Variants in RBFOX1 observed in about 807,000 individuals in gnomAD.
The protein encoded by RBFOX1 is RNA binding fox-1 homolog 1.
A neutral mutation model predicts 57.7 loss-of-function variants in RBFOX1; 8 were observed. The observed-to-expected ratio is 0.14, with a 90% CI of 0.08 to 0.25. RBFOX1 has a LOEUF of 0.25. Among genes scored for constraint, RBFOX1 ranks in the 10% least tolerant of loss-of-function variants. The pLI, the probability that RBFOX1 is intolerant of heterozygous loss-of-function variation, is 1.00. For synonymous variants in RBFOX1, 326 were observed against 222.4 expected (o/e 1.47, Z -4.15); for missense variants, 611 against 548.5 (o/e 1.11, Z -1.14).
At chr16:6,517,111 G>C (rs556274981) in intron 2 of RBFOX1, among the ~76,000 whole-genome samples, 1 of 152,276 alleles carries the variant, frequency 6.6e-6, no homozygotes, top group East Asian at 1.9e-4. Flanking sequence ...TGACTGGCTT[G>C]TTGTGGGCCA....
intron 3 of RBFOX1, among the ~76,000 whole-genome samples, chr16:6,756,337 G>T (rs2075783081): frequency 6.6e-6 from 1 of 152,130 alleles, no homozygotes; most frequent in Non-Finnish European, 1.5e-5. Context: ...ATGCATTAAA[G>T]ATTGAAACCC....
Position 7,607,358 on chromosome 16 carries a change from A to G in RBFOX1, c.676+20A>G. On this transcript the variant is annotated intron_variant, in intron 10 of 15. Transcript: ENST00000550418. ...ATGCAGGTACAGAGTTTCTCTTTGCACGAAGTCTTCTCAGTCTTTTCTAAA... is the reference window on the plus strand; with the variant it reads ...ATGCAGGTACAGAGTTTCTCTTTGCGCGAAGTCTTCTCAGTCTTTTCTAAA... 1 of 1,605,998 alleles carries G rather than the reference A, an allele frequency of 6.2e-7. No homozygotes were observed. Among genetic ancestry groups the G allele is most frequent in the Non-Finnish European group, 8.5e-7 (1 of 1,176,934 alleles).
At chr16:7,186,566 ATATTTATATAAATATAAG>A (rs2083881830) in intron 4 of RBFOX1, among the ~76,000 whole-genome samples, 1 of 117,778 alleles carries the variant, frequency 8.5e-6, no homozygotes, top group African/African-American at 3.5e-5. Context: ...AAGCTTAAAC[ATATTTATATAAATATAAG>A]CTTAAACATA....
chr16:6,342,702 T>C (rs1392986021), intron 2 of RBFOX1, among the ~76,000 whole-genome samples: 2 of 152,192 alleles, frequency 1.3e-5, no homozygotes, highest in Non-Finnish European at 2.9e-5. Flanking sequence ...CTAAATGCTT[T>C]TTGTGAAATG....
intron 4 of RBFOX1, among the ~76,000 whole-genome samples, chr16:7,495,022 C>G (rs539073323): frequency 1.3e-5 from 2 of 151,930 alleles, no homozygotes; most frequent in Non-Finnish European, 2.9e-5. Flanking sequence ...TATTTATGAC[C>G]GTGTGTGCTT....
Position 6,027,676 on chromosome 16 carries a change from C to T in RBFOX1, c.-127+7684C>T, listed in dbSNP as rs758593158. On this transcript the variant is annotated intron_variant, in intron 1 of 15. Coordinates refer to ENST00000550418, the MANE Select transcript of RBFOX1 (RefSeq NM_018723.4). ...ATAGGGCTGACTATGATAATCATGA[C>T]GATTACTATTATCCATTGATAATAA... Among the ~76,000 whole-genome samples, 7 of 152,280 alleles carry T rather than the reference C, an allele frequency of 4.6e-5. No homozygotes were observed. In the South Asian group the frequency reaches 8.3e-4, roughly 18 times the overall value.
intron 3 of RBFOX1, among the ~76,000 whole-genome samples, chr16:7,042,696 C>T (rs538036777): frequency 1.7e-4 from 26 of 152,254 alleles, no homozygotes; most frequent in Admixed American, 3.9e-4. Context: ...GAGGCCCAGG[C>T]GGGCGGATCA....
chr16:5,318,789 T>C (rs1398738061), intron 1 of RBFOX1, among the ~76,000 whole-genome samples: 1 of 152,152 alleles, frequency 6.6e-6, no homozygotes, highest in East Asian at 1.9e-4. Context: ...GACCTTAACA[T>C]AGGGAGATAT....
At chr16:7,109,071 T>C (rs2064147427) in intron 4 of RBFOX1, among the ~76,000 whole-genome samples, 1 of 152,184 alleles carries the variant, frequency 6.6e-6, no homozygotes, top group Admixed American at 6.5e-5. Context: ...TCTGAAAATT[T>C]ATTGATGAGC....
chr16:7,708,701 G>T (rs549772721), intron 14 of RBFOX1, among the ~76,000 whole-genome samples: 2 of 152,326 alleles, frequency 1.3e-5, no homozygotes, highest in African/African-American at 4.8e-5. Flanking sequence ...TACCCTCTGT[G>T]GGTGCTGGGC....
At chr16:7,146,049 T>C (rs986754580) in intron 4 of RBFOX1, among the ~76,000 whole-genome samples, 1 of 152,176 alleles carries the variant, frequency 6.6e-6, no homozygotes, top group African/African-American at 2.4e-5. Flanking sequence ...ACTGCTAACT[T>C]CCCACTTCTT....
chr16:6,431,423 T>C (rs2094080449), intron 2 of RBFOX1, among the ~76,000 whole-genome samples: 1 of 152,058 alleles, frequency 6.6e-6, no homozygotes, highest in Non-Finnish European at 1.5e-5. Context: ...TGGCATGCAG[T>C]GACGGTCCAG....
chr16:5,625,675 A>G (rs957826030), intron 3 of RBFOX1, among the ~76,000 whole-genome samples: 1 of 151,688 alleles, frequency 6.6e-6, no homozygotes, highest in African/African-American at 2.4e-5. Context: ...CTCCTTCCTC[A>G]GCCTCCTGAG....
At position 7,518,169 on chromosome 16, in the gene RBFOX1, C is replaced by A; in HGVS notation, c.50C>A (p.Ala17Asp). 2.5e-6 allele frequency: 4 copies of A among 1,613,026 alleles called. No individual in the cohort carries two copies. The highest frequency in any genetic ancestry group is 3.4e-6 in the Non-Finnish European group (4 of 1,179,390). The change falls in exon 5 of 16, where the codon GCC (alanine) becomes GAC (aspartate). Residue 17 changes from alanine (A) to aspartate (D), a missense_variant. Ala to Asp is a moderately radical substitution (Grantham distance 126). Coordinates refer to ENST00000550418, the MANE Select transcript of RBFOX1 (RefSeq NM_018723.4). ...QLRGNQEAAAAPDTMAQPYAS... is the reference protein window; with the variant it reads ...QLRGNQEAAADPDTMAQPYAS... ...CAGGGTAATCAGGAAGCAGCCGCTG[C>A]CCCTGACACAATGGCTCAGCCTTAC...
At chr16:6,866,929 G>A (rs954329074) in intron 3 of RBFOX1, among the ~76,000 whole-genome samples, 2 of 151,634 alleles carry the variant, frequency 1.3e-5, no homozygotes. Context: ...GCCCTTATGG[G>A]TCCTTAGCTT....
chr16:6,990,153 G>T (rs1199348333), intron 3 of RBFOX1, among the ~76,000 whole-genome samples: 1 of 152,194 alleles, frequency 6.6e-6, no homozygotes, highest in Non-Finnish European at 1.5e-5. Context: ...ACACAGTAGG[G>T]ATTCAGTAAG....
At chr16:7,646,988 CTT>C (rs1401819355) in intron 11 of RBFOX1, among the ~76,000 whole-genome samples, 1 of 152,160 alleles carries the variant, frequency 6.6e-6, no homozygotes, top group Non-Finnish European at 1.5e-5. Flanking sequence ...GCAGTTGACA[CTT>C]TAGTAAATGG....
At chr16:5,579,747 C>A (rs2151154191) in intron 2 of RBFOX1, among the ~76,000 whole-genome samples, 1 of 150,014 alleles carries the variant, frequency 6.7e-6, no homozygotes, top group African/African-American at 2.5e-5. Flanking sequence ...CCAGTTAATT[C>A]TTTTCTTTCT....
chr16:7,107,443 C>G (rs573460453), intron 4 of RBFOX1, among the ~76,000 whole-genome samples: 8 of 152,238 alleles, frequency 5.3e-5, no homozygotes, highest in African/African-American at 1.9e-4. Context: ...ACACTCCTCT[C>G]CTTACTCAGG....
Sources: gnomAD v4.1 joint callset for allele counts (sites outside exome capture counted in the v4.1 genomes callset) on GRCh38, gnomAD v4.1.1 for gene constraint, MANE v1.5 for transcripts, NCBI Gene and HGNC (gene_info 2026-07-23, HGNC 2026-07-21) for gene names.